The following PAPSS2 variants were observed in gnomAD, a reference collection of about 807,000 sequenced individuals.
PAPSS2 encodes the protein bifunctional 3'-phosphoadenosine 5'-phosphosulfate synthase 2.
PAPSS2 carries 61 observed loss-of-function variants against 66.5 expected under a neutral mutation model. The observed-to-expected ratio is 0.92, with a 90% CI of 0.75 to 1.14. PAPSS2 has a LOEUF of 1.14. PAPSS2 is among the 50% of genes most tolerant of loss of function. The pLI is 0.00. For synonymous variants in PAPSS2, 289 were observed against 287.5 expected (o/e 1.01, Z -0.05); for missense variants, 708 against 789.6 (o/e 0.90, Z 1.24).
intron 9 of PAPSS2, among the ~76,000 whole-genome samples, chr10:87,738,539 A>C (rs1853829060): frequency 6.6e-6 from 1 of 152,088 alleles, no homozygotes; most frequent in African/African-American, 2.4e-5. Context: ...CCTGCTGAGT[A>C]GCTGGGACTA....
At chr10:87,710,119 T>C (rs1416777140) in intron 2 of PAPSS2, among the ~76,000 whole-genome samples, 1 of 152,216 alleles carries the variant, frequency 6.6e-6, no homozygotes, top group African/African-American at 2.4e-5. Flanking sequence ...TGCAAAACTA[T>C]GTTTATTCAG....
chr10:87,713,501 T>C (rs995024014), intron 3 of PAPSS2, among the ~76,000 whole-genome samples, 191 bp downstream of exon 3: 22 of 151,886 alleles, frequency 1.4e-4, no homozygotes, highest in African/African-American at 5.3e-4. Flanking sequence ...TATAAAGGAG[T>C]TCCTTCCTTT....
intron 1 of PAPSS2, among the ~76,000 whole-genome samples, chr10:87,680,268 G>C (rs988068932): frequency 1.3e-5 from 2 of 152,162 alleles, no homozygotes; most frequent in African/African-American, 2.4e-5. Flanking sequence ...TAGCACTGGA[G>C]GGAGCCTTCC....
intron 7 of PAPSS2, among the ~76,000 whole-genome samples, chr10:87,720,874 T>C (rs977747909): frequency 6.6e-6 from 1 of 152,222 alleles, no homozygotes; most frequent in Non-Finnish European, 1.5e-5. Context: ...TATTTCTCAC[T>C]AGAAGTATAG....
At position 87,743,598 on chromosome 10, in the gene PAPSS2, T is replaced by C. The variant is rs1387956262; in HGVS notation, c.1448T>C (p.Val483Ala). 9 of 1,614,154 alleles carry C rather than the reference T, an allele frequency of 5.6e-6. No homozygotes were observed. In the South Asian group the frequency reaches 9.9e-5, roughly 18 times the overall value. Residue 483 changes from valine to alanine, a missense_variant, in exon 11 of 13, where the codon GTT becomes GCT. Coordinates refer to ENST00000456849, the MANE Select transcript of PAPSS2 (RefSeq NM_001015880.2). ...EGVLDPKSTI[V>A]AIFPSPMLYA... ...GTCCTGGATCCCAAGTCAACCATTGTTGCCATCTTTCCGTCTCCCATGTTA... is the reference window on the plus strand; with the variant it reads ...GTCCTGGATCCCAAGTCAACCATTGCTGCCATCTTTCCGTCTCCCATGTTA...
At chr10:87,669,620 GAA>G (rs1278260003) in intron 1 of PAPSS2, among the ~76,000 whole-genome samples, 1 of 152,200 alleles carries the variant, frequency 6.6e-6, no homozygotes, top group Non-Finnish European at 1.5e-5. Flanking sequence ...TTATTTATCT[GAA>G]GTTTCTTTTT....
At chr10:87,744,227 A>G (rs150623180) in intron 11 of PAPSS2, among the ~76,000 whole-genome samples, 77 of 152,348 alleles carry the variant, frequency 5.1e-4, no homozygotes, top group African/African-American at 1.7e-3. Flanking sequence ...GGCAAGTTGT[A>G]TGTAACCTAA....
intron 2 of PAPSS2, among the ~76,000 whole-genome samples, 153 bp downstream of exon 2, chr10:87,709,466 C>T (rs1000099472): frequency 1.3e-5 from 2 of 152,054 alleles, no homozygotes; most frequent in South Asian, 2.1e-4. Context: ...TAGTCCTAAC[C>T]CTACCATCAG....
intron 8 of PAPSS2, among the ~76,000 whole-genome samples, chr10:87,723,620 G>A (rs1452413176): frequency 6.6e-6 from 1 of 152,140 alleles, no homozygotes; most frequent in African/African-American, 2.4e-5. Flanking sequence ...TTTATAAAGG[G>A]TCTCAAAGTA....
At chr10:87,738,928 C>G (rs1853833246) in intron 9 of PAPSS2, among the ~76,000 whole-genome samples, 1 of 151,926 alleles carries the variant, frequency 6.6e-6, no homozygotes, top group African/African-American at 2.4e-5. Flanking sequence ...GGATATTAAC[C>G]CCTTATCAGA....
At chr10:87,685,144 G>GC (rs1352107191) in intron 1 of PAPSS2, among the ~76,000 whole-genome samples, 1 of 152,094 alleles carries the variant, frequency 6.6e-6, no homozygotes, top group Non-Finnish European at 1.5e-5. Context: ...CTCAAGCTGA[G>GC]CCCCCCACTT....
rs187939244 is a variant in PAPSS2 at position 87,685,083 on chromosome 10, A to G, written c.28-24113A>G. On this transcript the variant is annotated intron_variant, in intron 1 of 12. Transcript: ENST00000456849. ...GCTTAGGGTAGGGCTATCCCCAGTG[A>G]CCCCATTCATTCACCTGCCATGTCT... 3.5e-3 allele frequency among the ~76,000 whole-genome samples: 528 copies of G among 152,128 alleles called. 5 individuals carry two copies. The highest frequency in any genetic ancestry group is 0.012 in the African/African-American group (496 of 41,514).
At chr10:87,696,927 A>T (rs548780967) in intron 1 of PAPSS2, among the ~76,000 whole-genome samples, 5 of 152,362 alleles carry the variant, frequency 3.3e-5, no homozygotes, top group Non-Finnish European at 7.3e-5. Context: ...AGTTTACTCT[A>T]TTAGTAACTT....
At chr10:87,735,643 G>A (rs887635048) in intron 9 of PAPSS2, among the ~76,000 whole-genome samples, 1 of 152,146 alleles carries the variant, frequency 6.6e-6, no homozygotes, top group East Asian at 1.9e-4. Context: ...CTACCGCAGG[G>A]TTTCTCAGCC....
At chr10:87,705,837 G>A (rs1447050358) in intron 1 of PAPSS2, among the ~76,000 whole-genome samples, 1 of 150,904 alleles carries the variant, frequency 6.6e-6, no homozygotes, top group Admixed American at 6.6e-5. Flanking sequence ...GGGTTCAAGC[G>A]ATTCTTCTGC....
At chr10:87,699,909 T>C (rs1204499442) in intron 1 of PAPSS2, among the ~76,000 whole-genome samples, 2 of 151,810 alleles carry the variant, frequency 1.3e-5, no homozygotes, top group Non-Finnish European at 2.9e-5. Context: ...CCAAATTTAA[T>C]ATTGAAAACT....
chr10:87,692,937 ACT>A (rs1256908267), intron 1 of PAPSS2, among the ~76,000 whole-genome samples: 1 of 152,242 alleles, frequency 6.6e-6, no homozygotes, highest in African/African-American at 2.4e-5. Context: ...TTGATTAGGC[ACT>A]GTTTTAAACA....
chr10:87,743,331 A>T, intron 10 of PAPSS2, 42 bp from the exon 11 acceptor site: 1 of 1,600,938 alleles, frequency 6.2e-7, no homozygotes, highest in South Asian at 1.1e-5. Context: ...AAATGACACC[A>T]TGTGTTTCTG....
At chr10:87,693,887 A>T (rs1185459161) in intron 1 of PAPSS2, among the ~76,000 whole-genome samples, 1 of 152,256 alleles carries the variant, frequency 6.6e-6, no homozygotes, top group East Asian at 1.9e-4. Context: ...AGGTCACAGC[A>T]GGTCTCACTT....
Sources: gnomAD v4.1 joint callset for allele counts (sites outside exome capture counted in the v4.1 genomes callset) on GRCh38, gnomAD v4.1.1 for gene constraint, MANE v1.5 for transcripts, NCBI Gene and HGNC (gene_info 2026-07-23, HGNC 2026-07-21) for gene names.